The following CFAP20DC variants were observed in gnomAD, a reference collection of about 807,000 sequenced individuals.
CFAP20DC encodes CFAP20 domain containing.
CFAP20DC carries 84 observed loss-of-function variants against 101.7 expected under a neutral mutation model. That is an observed-to-expected ratio of 0.83 (90% confidence interval 0.69 to 0.99). The LOEUF is 0.99. CFAP20DC is among the 50% of genes least tolerant of loss of function. CFAP20DC has a pLI of 0.00. For synonymous variants in CFAP20DC, 359 were observed against 351.2 expected (o/e 1.02, Z -0.25); for missense variants, 1,007 against 970.3 (o/e 1.04, Z -0.50).
chr3:58,936,490 C>T (rs188025039), intron 5 of CFAP20DC, among the ~76,000 whole-genome samples: 52 of 152,246 alleles, frequency 3.4e-4, no homozygotes, highest in African/African-American at 1.2e-3. Flanking sequence ...TTTATTGCGG[C>T]ACTATTCACA....
chr3:59,020,867 T>C (rs746098414), intron 4 of CFAP20DC, among the ~76,000 whole-genome samples: 2 of 152,230 alleles, frequency 1.3e-5, no homozygotes, highest in South Asian at 2.1e-4. Flanking sequence ...AGTCACCCTA[T>C]AGATAAAGCA....
chr3:58,813,172 T>G (rs1256032776), intron 14 of CFAP20DC, among the ~76,000 whole-genome samples: 1 of 151,844 alleles, frequency 6.6e-6, no homozygotes, highest in Non-Finnish European at 1.5e-5. Flanking sequence ...ATGATGCCAA[T>G]ACCTAACAAA....
At chr3:58,911,882 T>C (rs1291527236) in intron 6 of CFAP20DC, among the ~76,000 whole-genome samples, 1 of 152,054 alleles carries the variant, frequency 6.6e-6, no homozygotes, top group African/African-American at 2.4e-5. Flanking sequence ...TAGCAACCCG[T>C]ACAGAATTTT....
chr3:58,852,723 C>G (rs1286871251), intron 12 of CFAP20DC, among the ~76,000 whole-genome samples: 3 of 151,090 alleles, frequency 2.0e-5, no homozygotes, highest in Non-Finnish European at 4.4e-5. Context: ...ACAACCTGCT[C>G]CTGAATGACT....
intron 4 of CFAP20DC, among the ~76,000 whole-genome samples, chr3:58,941,658 T>G (rs1298063154): frequency 6.6e-6 from 1 of 151,980 alleles, no homozygotes; most frequent in Non-Finnish European, 1.5e-5. Context: ...AAGCTCCGCC[T>G]CCTGGGTTCA....
intron 14 of CFAP20DC, chr3:58,824,433 CAG>C (rs2107963600): frequency 6.6e-6 from 1 of 152,232 alleles, no homozygotes; most frequent in South Asian, 2.1e-4. Flanking sequence ...GCCAGGAAAA[CAG>C]TATTCATATA....
intron 4 of CFAP20DC, among the ~76,000 whole-genome samples, chr3:59,011,977 A>G (rs913066334): frequency 6.6e-6 from 1 of 152,228 alleles, no homozygotes; most frequent in Non-Finnish European, 1.5e-5. Context: ...TTATAAAAAC[A>G]TACCAACAAT....
chr3:59,002,150 T>C lies in CFAP20DC; in HGVS notation c.278+37407A>G, dbSNP rs868444560. ...AGCTCTGTTATCCCACTGACAAGCCTTCACAAAGTTACTCGCAGAGCCTCT... is the reference window on the plus strand; with the variant it reads ...AGCTCTGTTATCCCACTGACAAGCCCTCACAAAGTTACTCGCAGAGCCTCT... On this transcript the variant is annotated intron_variant, in intron 4 of 16. Transcript: ENST00000482387. This position sits in a 1 kb window ranked among gnomAD's most constrained non-coding sequence, Gnocchi z 4.5. Among the ~76,000 whole-genome samples the C allele has an allele frequency of 2.1e-4, 32 of 152,242 alleles. No individual in the cohort carries two copies. The Middle Eastern group carries it at 0.01, about 49-fold the overall frequency.
At chr3:58,754,341 G>T (rs1048643726) in intron 15 of CFAP20DC, among the ~76,000 whole-genome samples, 1 of 152,074 alleles carries the variant, frequency 6.6e-6, no homozygotes, top group Admixed American at 6.6e-5. Context: ...CTCTTAACTC[G>T]GGGCTTTTGA....
rs187061028 is a variant in CFAP20DC, at chr3:58,806,798, G to A, written c.2176-342C>T. 3.3e-3 allele frequency among the ~76,000 whole-genome samples: 502 copies of A among 152,338 alleles called. 5 individuals are homozygous for A. Among genetic ancestry groups the A allele is most frequent in the African/African-American group, 0.011 (475 of 41,570 alleles). ...CACTCGGGAAGCGCAAGGGATCAGGGAGTTCCCTTTCCTAGTCAAAGAAAG... is the reference window on the plus strand; with the variant it reads ...CACTCGGGAAGCGCAAGGGATCAGGAAGTTCCCTTTCCTAGTCAAAGAAAG... On this transcript the variant is annotated intron_variant, in intron 14 of 16. Coordinates refer to ENST00000482387, the MANE Select transcript of CFAP20DC (RefSeq NM_001394063.1).
Position 58,869,368 on chromosome 3 carries a change from T to C in CFAP20DC, c.975A>G (p.Lys325=). The part of the protein sequence containing the change: ...LIPESEEQGN[K]ENIHQIKQTV... ...TCTGCTTTATTTGGTGAATATTTTC[T>C]TTATTTCCTTGTTCCTCAGACTCAG... Residue 325 remains lysine (K), a synonymous_variant, in exon 9 of 17, where the codon AAA becomes AAG. Transcript: ENST00000482387. This position sits in a 1 kb window ranked among gnomAD's most constrained non-coding sequence, Gnocchi z 4.3. 1.2e-6 allele frequency: 2 copies of C among 1,613,794 alleles called. No homozygotes were observed. The highest frequency in any genetic ancestry group is 2.2e-5 in the East Asian group (1 of 44,836).
At chr3:58,733,034 T>A (rs527903426) in intron 3 of CFAP20DC, among the ~76,000 whole-genome samples, 13 of 152,334 alleles carry the variant, frequency 8.5e-5, no homozygotes, top group Admixed American at 2.6e-4. Flanking sequence ...TGAAATTGTA[T>A]AAAATCTTGA....
chr3:58,785,300 G>A (rs1199628368), intron 15 of CFAP20DC, among the ~76,000 whole-genome samples: 1 of 152,026 alleles, frequency 6.6e-6, no homozygotes, highest in South Asian at 2.1e-4. Context: ...GTAGGAGCGG[G>A]GATGAAGACA....
intron 15 of CFAP20DC, among the ~76,000 whole-genome samples, chr3:58,772,827 CT>C (rs2070973304): frequency 6.6e-6 from 1 of 152,024 alleles, no homozygotes; most frequent in Non-Finnish European, 1.5e-5. Context: ...TAGTCTTATC[CT>C]TTTTATATAG....
At chr3:58,748,888 T>C (rs1307211075) in intron 16 of CFAP20DC, among the ~76,000 whole-genome samples, 1 of 152,158 alleles carries the variant, frequency 6.6e-6, no homozygotes, top group African/African-American at 2.4e-5. Context: ...TCAGGGTCTG[T>C]GACCCAGGCT....
intron 4 of CFAP20DC, among the ~76,000 whole-genome samples, chr3:58,996,836 T>C (rs905745551): frequency 2.6e-5 from 4 of 152,226 alleles, no homozygotes; most frequent in Non-Finnish European, 1.5e-5. Flanking sequence ...CTAGATGCTT[T>C]TGAGACAGCC....
In CFAP20DC at chr3:58,840,656, G is replaced by A. The variant is rs2077037890; in HGVS notation, c.1971+8376C>T. ...GAACAGTACCTGTAATTAATTTATG[G>A]AACTTTATGAATTTGAGAAGGTTTC... On this transcript the variant is annotated intron_variant, in intron 13 of 16. Transcript: ENST00000482387. 2.0e-5 allele frequency among the ~76,000 whole-genome samples: 3 copies of A among 152,254 alleles called. No homozygotes were observed. In the South Asian group the frequency reaches 6.2e-4, roughly 32 times the overall value.
At chr3:58,807,030 T>A (rs950969215) in intron 14 of CFAP20DC, among the ~76,000 whole-genome samples, 1 of 152,116 alleles carries the variant, frequency 6.6e-6, no homozygotes, top group Admixed American at 6.6e-5. Context: ...GTGCCCGCCA[T>A]TGCCCAGACT....
chr3:58,960,374 C>T (rs964222144), intron 4 of CFAP20DC, among the ~76,000 whole-genome samples: 3 of 151,874 alleles, frequency 2.0e-5, no homozygotes, highest in African/African-American at 4.8e-5. Flanking sequence ...TGCCTGTAAT[C>T]CCAGCTACTC....
Sources: allele counts gnomAD v4.1 joint callset (sites outside exome capture counted in the v4.1 genomes callset), GRCh38; gene constraint gnomAD v4.1.1; non-coding constraint Gnocchi (gnomAD v3.1); transcripts MANE v1.5; gene names NCBI Gene and HGNC (gene_info 2026-07-23, HGNC 2026-07-21).